RNGTT: variants seen among roughly 807,000 people sequenced by gnomAD.
The protein encoded by RNGTT is mRNA-capping enzyme.
RNGTT carries 33 observed loss-of-function variants against 79.3 expected under a neutral mutation model. That is an observed-to-expected ratio of 0.42 (90% CI 0.32 to 0.56). The LOEUF (loss-of-function observed/expected upper bound fraction) is 0.56, where lower values mean the gene tolerates loss of function less well. RNGTT is among the 20% of genes least tolerant of loss of function. The pLI is 0.17. For synonymous variants in RNGTT, 222 were observed against 235.9 expected (o/e 0.94, Z 0.54); for missense variants, 497 against 739.1 (o/e 0.67, Z 3.80).
intron 13 of RNGTT, among the ~76,000 whole-genome samples, chr6:88,738,971 T>C (rs1246508067): frequency 6.6e-6 from 1 of 152,012 alleles, no homozygotes; most frequent in Non-Finnish European, 1.5e-5. Flanking sequence ...GTAAAATAAT[T>C]ATATCTTAAA....
intron 10 of RNGTT, among the ~76,000 whole-genome samples, chr6:88,847,759 T>C (rs932635800): frequency 1.3e-5 from 2 of 152,016 alleles, no homozygotes; most frequent in African/African-American, 4.8e-5. Flanking sequence ...TCTGATGAGA[T>C]TGACTTTATT....
intron 11 of RNGTT, among the ~76,000 whole-genome samples, chr6:88,805,140 A>G (rs1779913849): frequency 1.3e-5 from 2 of 152,234 alleles, no homozygotes; most frequent in African/African-American, 4.8e-5. Context: ...CAGAAAGCTG[A>G]CATCTGCAGG....
At chr6:88,850,312 C>T (rs1220997895) in intron 9 of RNGTT, among the ~76,000 whole-genome samples, 1 of 151,574 alleles carries the variant, frequency 6.6e-6, no homozygotes, top group Non-Finnish European at 1.5e-5. Flanking sequence ...GGTTTCATAC[C>T]ACTTTACTAG....
At chr6:88,899,516 A>G (rs539086779) in intron 6 of RNGTT, among the ~76,000 whole-genome samples, 6 of 152,196 alleles carry the variant, frequency 3.9e-5, no homozygotes, top group African/African-American at 1.4e-4. Flanking sequence ...GAGCTCAAGC[A>G]ATCCTTCCGC....
chr6:88,782,806 T>G lies in RNGTT; in HGVS notation c.1339-12932A>C, dbSNP rs554721705. On this transcript the variant is annotated intron_variant, in intron 12 of 15. Transcript: ENST00000369485. Reference sequence around the variant, plus strand: ...CTATTGAAAAGCTGCTCAGCATTTCTAATCAGCAGGGAAATGCAAATCAAA... The same window carrying G: ...CTATTGAAAAGCTGCTCAGCATTTCGAATCAGCAGGGAAATGCAAATCAAA... Among the ~76,000 whole-genome samples, 25 of 152,290 alleles carry G rather than the reference T, an allele frequency of 1.6e-4. 1 individual carries two copies. In the South Asian group the frequency reaches 5.0e-3, roughly 30 times the overall value.
intron 12 of RNGTT, among the ~76,000 whole-genome samples, chr6:88,779,170 T>C (rs1042036952): frequency 6.6e-5 from 10 of 151,864 alleles, no homozygotes; most frequent in Admixed American, 4.6e-4. Context: ...GAGAAAGGAG[T>C]GTCAGCAAGA....
At chr6:88,869,189 G>T (rs952548260) in intron 8 of RNGTT, among the ~76,000 whole-genome samples, 1 of 152,076 alleles carries the variant, frequency 6.6e-6, no homozygotes, top group Non-Finnish European at 1.5e-5. Context: ...TTTTAAGAGA[G>T]TTGTAATTTC....
intron 13 of RNGTT, among the ~76,000 whole-genome samples, chr6:88,718,945 C>T (rs1018003815): frequency 1.3e-5 from 2 of 152,066 alleles, no homozygotes; most frequent in African/African-American, 4.8e-5. Context: ...AAGGCTATCC[C>T]TTTTCATAGT....
At chr6:88,843,548 C>CA (rs1781374412) in intron 11 of RNGTT, among the ~76,000 whole-genome samples, 2 of 66,634 alleles carry the variant, frequency 3.0e-5, no homozygotes, top group Non-Finnish European at 5.6e-5. Flanking sequence ...TAGTATGATT[C>CA]TTTTTTTTTT....
Position 88,799,700 on chromosome 6 carries a change from C to CAA in RNGTT, c.1338+1862_1338+1863dup, listed in dbSNP as rs36033019. Among the ~76,000 whole-genome samples, 407 of 45,018 alleles carry CAA rather than the reference C, an allele frequency of 9.0e-3. 5 individuals carry two copies. The highest frequency in any genetic ancestry group is 0.021 in the African/African-American group (241 of 11,278). The allele number at this position is 45,018 out of a possible 152,430, so 29.5% of individuals were successfully genotyped here. On this transcript the variant is annotated intron_variant, in intron 12 of 15. Coordinates refer to ENST00000369485, the MANE Select transcript of RNGTT (RefSeq NM_003800.5). ...GGGCAACAAGAGCAAAACTCCATCT[C>CAA]AAAAAAAAAAAAAAAAAAAAAAAGT...
chr6:88,802,397 A>C (rs1292575715), intron 11 of RNGTT, among the ~76,000 whole-genome samples: 2 of 152,196 alleles, frequency 1.3e-5, no homozygotes, highest in African/African-American at 4.8e-5. Flanking sequence ...CATACCCTCT[A>C]ATTAATTCTG....
At chr6:88,763,087 CTTTTTTTTTTTTTT>C (rs59200191) in intron 13 of RNGTT, among the ~76,000 whole-genome samples, 2 of 95,524 alleles carry the variant, frequency 2.1e-5, no homozygotes, top group African/African-American at 1.0e-4. Context: ...TCATGGCCAG[CTTTTTTTTTTTTTT>C]TTTTTTTTTT....
At chr6:88,615,300 C>G (rs1425766687) in intron 14 of RNGTT, among the ~76,000 whole-genome samples, 1 of 152,106 alleles carries the variant, frequency 6.6e-6, no homozygotes, top group Non-Finnish European at 1.5e-5. Flanking sequence ...ATTTTTCTAC[C>G]CACATATTCA....
At chr6:88,946,250 C>G (rs984287336) in intron 1 of RNGTT, among the ~76,000 whole-genome samples, 5 of 152,050 alleles carry the variant, frequency 3.3e-5, no homozygotes, top group African/African-American at 1.2e-4. Flanking sequence ...GATCTATGAT[C>G]AGTGATCTTT....
chr6:88,864,478 T>C (rs941089594), intron 8 of RNGTT, among the ~76,000 whole-genome samples: 5 of 152,056 alleles, frequency 3.3e-5, no homozygotes, highest in African/African-American at 7.2e-5. Flanking sequence ...GGTACCAGCA[T>C]AGAAAATTAT....
intron 1 of RNGTT, 61 bp downstream of exon 1, chr6:88,963,285 G>A: frequency 1.3e-6 from 2 of 1,568,226 alleles, no homozygotes; most frequent in Non-Finnish European, 1.8e-6. Flanking sequence ...GAGCTCCTCA[G>A]TCGGCCCACC....
At chr6:88,811,243 G>A (rs947972542) in intron 11 of RNGTT, among the ~76,000 whole-genome samples, 36 of 152,206 alleles carry the variant, frequency 2.4e-4, no homozygotes, top group Admixed American at 7.8e-4. Context: ...GACAAAATTC[G>A]AAGATAATTG....
chr6:88,894,145 C>G (rs995186045), intron 6 of RNGTT, among the ~76,000 whole-genome samples: 1 of 152,120 alleles, frequency 6.6e-6, no homozygotes, highest in Non-Finnish European at 1.5e-5. Context: ...TTTAAACAAG[C>G]TTTGCACGTG....
intron 8 of RNGTT, among the ~76,000 whole-genome samples, chr6:88,877,596 C>T (rs1782557461): frequency 6.6e-6 from 1 of 152,120 alleles, no homozygotes; most frequent in African/African-American, 2.4e-5. Flanking sequence ...GAATGCAACC[C>T]CATATGCTTT....
Sources: allele counts gnomAD v4.1 joint callset (sites outside exome capture counted in the v4.1 genomes callset), GRCh38; gene constraint gnomAD v4.1.1; transcripts MANE v1.5; gene names NCBI Gene and HGNC (gene_info 2026-07-23, HGNC 2026-07-21).